PCDHGA11: variants seen among roughly 807,000 people sequenced by gnomAD.
PCDHGA11 encodes the protein protocadherin gamma subfamily A, 11.
Under a neutral mutation model 60.4 loss-of-function variants are expected in PCDHGA11, and 39 were observed. The observed-to-expected ratio is 0.65, with a 90% CI of 0.50 to 0.84. The LOEUF (loss-of-function observed/expected upper bound fraction) is 0.84. Among genes scored for constraint, PCDHGA11 ranks in the 40% least tolerant of loss-of-function variants. The probability of loss-of-function intolerance (pLI) is 0.00; values close to 1 mark genes in which losing one functional copy is unlikely to be tolerated. For synonymous variants in PCDHGA11, 533 were observed against 510.3 expected (o/e 1.04, Z -0.60); for missense variants, 1,165 against 1,197.7 (o/e 0.97, Z 0.40).
Position 141,489,857 on chromosome 5 carries a change from C to T in PCDHGA11, c.2434-4950C>T. 2 of 1,614,166 alleles carry T rather than the reference C, an allele frequency of 1.2e-6. No individual in the cohort carries two copies. On this transcript the variant is annotated intron_variant, in intron 1 of 3. Coordinates refer to ENST00000398587, the MANE Select transcript of PCDHGA11 (RefSeq NM_018914.3). This position sits in a 1 kb window ranked among gnomAD's most constrained non-coding sequence, Gnocchi z 4.5. ...CAGCAGCTGGATCGTGAAGCCCAGGCAAGACATCAGCTGGTGCTTACTGCT... is the reference window on the plus strand; with the variant it reads ...CAGCAGCTGGATCGTGAAGCCCAGGTAAGACATCAGCTGGTGCTTACTGCT...
At chr5:141,440,431 A>G (rs1338519888) in intron 1 of PCDHGA11, 1 of 152,222 alleles carries the variant, frequency 6.6e-6, no homozygotes, top group Non-Finnish European at 1.5e-5. Flanking sequence ...TGGGTGACAG[A>G]GCAAGGCGCC....
chr5:141,439,226 G>A (rs1337835258), intron 1 of PCDHGA11, among the ~76,000 whole-genome samples: 1 of 151,442 alleles, frequency 6.6e-6, no homozygotes, highest in African/African-American at 2.4e-5. Flanking sequence ...AAAATTCTTA[G>A]AAGCTTCCTA....
Position 141,431,003 on chromosome 5 carries a change from G to C in PCDHGA11, c.2433+7343G>C. The C allele has an allele frequency of 6.2e-7, 1 of 1,614,078 alleles. No individual in the cohort carries two copies. The highest frequency in any genetic ancestry group is 8.5e-7 in the Non-Finnish European group (1 of 1,179,974). On this transcript the variant is annotated intron_variant, in intron 1 of 3. Transcript: ENST00000398587. The surrounding 1 kb of genome is among the most constrained non-coding windows in gnomAD (Gnocchi z 4.8). ...GCTTTTCGCCCTGAATCCGCGCAGC[G>C]GCAGCTTGGTCACGGCGGGCAGGAT... is the stretch of plus-strand genomic sequence containing the variant.
rs781026604 is a variant in PCDHGA11, at chr5:141,490,471, C to G, written c.2434-4336C>G. ...CCACTACTCGCTGCTAACCAGCCAG[C>G]CTTTGGACCGGGAGGCCACATCCCA... On this transcript the variant is annotated intron_variant, in intron 1 of 3. Coordinates refer to ENST00000398587, the MANE Select transcript of PCDHGA11 (RefSeq NM_018914.3). The surrounding 1 kb of genome is among the most constrained non-coding windows in gnomAD (Gnocchi z 5.4). 12 of 1,614,096 alleles carry G rather than the reference C, an allele frequency of 7.4e-6. No homozygotes were observed. The highest frequency in any genetic ancestry group is 1.1e-5 in the South Asian group (1 of 91,092).
intron 1 of PCDHGA11, among the ~76,000 whole-genome samples, chr5:141,437,246 C>A (rs897787623): frequency 6.6e-6 from 1 of 152,144 alleles, no homozygotes; most frequent in Non-Finnish European, 1.5e-5. Context: ...CAAGGACTTT[C>A]CTTGTCTTTT....
intron 3 of PCDHGA11, among the ~76,000 whole-genome samples, chr5:141,510,553 A>G (rs1471878583): frequency 6.6e-6 from 1 of 152,162 alleles, no homozygotes; most frequent in Non-Finnish European, 1.5e-5. Context: ...TGTTTTGAGC[A>G]CTTACATCTA....
chr5:141,423,517 T>A lies in PCDHGA11; in HGVS notation c.2290T>A (p.Ser764Thr), dbSNP rs750915364. 6.2e-7 allele frequency: 1 copy of A among 1,613,834 alleles called. No individual in the cohort carries two copies. The highest frequency in any genetic ancestry group is 1.7e-5 in the Admixed American group (1 of 60,016). Residue 764 changes from serine (S) to threonine (T), a missense_variant, in exon 1 of 4, where the codon TCG (serine) becomes ACG (threonine). Ser to Thr is a moderately conservative substitution (Grantham distance 58). Transcript: ENST00000398587. ...CCACGAGGTCTCTCTCATTGCGGAC[T>A]CGCAGAAGAGTCACCTGATTTTCCC... ...YSHEVSLIADSQKSHLIFPQP... is the reference protein window; with the variant it reads ...YSHEVSLIADTQKSHLIFPQP...
At chr5:141,433,398 T>TCTAC (rs1487149690) in intron 1 of PCDHGA11, among the ~76,000 whole-genome samples, 2 of 151,396 alleles carry the variant, frequency 1.3e-5, no homozygotes, top group Non-Finnish European at 2.9e-5. Context: ...TATCTATCTA[T>TCTAC]CTATCTATTA....
Position 141,490,536 on chromosome 5 carries a change from T to C in PCDHGA11, c.2434-4271T>C. ...TGCTGGCCAGCGATGCTGGTTCACCTTCCCTACACAAACATCTCACCATCA... is the reference window on the plus strand; with the variant it reads ...TGCTGGCCAGCGATGCTGGTTCACCCTCCCTACACAAACATCTCACCATCA... On this transcript the variant is annotated intron_variant, in intron 1 of 3. Transcript: ENST00000398587. The surrounding 1 kb of genome is among the most constrained non-coding windows in gnomAD (Gnocchi z 5.4). The C allele has an allele frequency of 1.9e-6, 3 of 1,614,150 alleles. No individual in the cohort carries two copies. The highest frequency in any genetic ancestry group is 2.5e-6 in the Non-Finnish European group (3 of 1,180,010).
intron 1 of PCDHGA11, among the ~76,000 whole-genome samples, chr5:141,466,868 CA>C (rs1343260699): frequency 1.3e-5 from 2 of 152,100 alleles, no homozygotes; most frequent in African/African-American, 2.4e-5. Flanking sequence ...GAAATCCACA[CA>C]TTTTTTTCAT....
Position 141,489,465 on chromosome 5 carries a change from T to C in PCDHGA11, c.2434-5342T>C. On this transcript the variant is annotated intron_variant, in intron 1 of 3. Transcript: ENST00000398587. The surrounding 1 kb of genome is among the most constrained non-coding windows in gnomAD (Gnocchi z 4.5). The stretch of plus-strand genomic sequence containing the variant: ...GCTCTGAGGAGAATGGGCGCTATTT[T>C]TCCCTGAGCTTGATGAGTGGTGCCC... The C allele has an allele frequency of 1.2e-6, 2 of 1,614,082 alleles. No homozygotes were observed. The highest frequency in any genetic ancestry group is 1.3e-5 in the African/African-American group (1 of 75,042).
At chr5:141,465,856 C>T (rs1442431032) in intron 1 of PCDHGA11, among the ~76,000 whole-genome samples, 1 of 152,184 alleles carries the variant, frequency 6.6e-6, no homozygotes, top group East Asian at 1.9e-4. Context: ...GGCCCAGTGG[C>T]TCATGCCTGT....
intron 1 of PCDHGA11, among the ~76,000 whole-genome samples, chr5:141,452,137 GT>G (rs2098734666): frequency 6.6e-6 from 1 of 152,044 alleles, no homozygotes; most frequent in Non-Finnish European, 1.5e-5. Flanking sequence ...TGGCTCATGT[GT>G]TTTTTCCAAT....
chr5:141,491,152 G>A lies in PCDHGA11; in HGVS notation c.2434-3655G>A. 1 of 1,614,168 alleles carries A rather than the reference G, an allele frequency of 6.2e-7. No homozygotes were observed. The highest frequency in any genetic ancestry group is 8.5e-7 in the Non-Finnish European group (1 of 1,179,990). On this transcript the variant is annotated intron_variant, in intron 1 of 3. Transcript: ENST00000398587. The surrounding 1 kb of genome is among the most constrained non-coding windows in gnomAD (Gnocchi z 6.9). ...CACAGCCCGGGCCTTACTGGAGGAT[G>A]ACTCTGACACCCAGCAGGTGGTGGT...
chr5:141,434,509 T>C (rs1480014539), intron 1 of PCDHGA11, among the ~76,000 whole-genome samples: 3 of 152,232 alleles, frequency 2.0e-5, no homozygotes, highest in Non-Finnish European at 4.4e-5. Context: ...AGAAAACTGC[T>C]TAAAGGTGTT....
At chr5:141,505,592 A>G in intron 3 of PCDHGA11, 111 bp downstream of exon 3, 1 of 1,567,266 alleles carries the variant, frequency 6.4e-7, no homozygotes. Context: ...GTTTCTCCAG[A>G]TCTTTCGGCA....
At chr5:141,482,366 AT>A (rs1425349819) in intron 1 of PCDHGA11, among the ~76,000 whole-genome samples, 1 of 152,150 alleles carries the variant, frequency 6.6e-6, no homozygotes, top group Non-Finnish European at 1.5e-5. Flanking sequence ...GTGAAAAGTA[AT>A]GCATATAAAG....
rs765040062 is a variant in PCDHGA11 at position 141,423,238 on chromosome 5, G to A, written c.2011G>A (p.Glu671Lys). The A allele has an allele frequency of 1.9e-6, 3 of 1,613,778 alleles. No homozygotes were observed. The highest frequency in any genetic ancestry group is 1.1e-5 in the South Asian group (1 of 91,080). ...CGTGGCTGTGGCCGACAGCATCCCC[G>A]AAGTCCTGGCGGACCTCGGCAGCCT... ...LTVAVADSIPEVLADLGSLES... is the reference protein window; with the variant it reads ...LTVAVADSIPKVLADLGSLES... The change falls in exon 1 of 4, where the codon GAA (glutamate) becomes AAA (lysine). Residue 671 changes from glutamate (E) to lysine (K), a missense_variant. By Grantham distance (56) the Glu-to-Lys change is moderately conservative. Coordinates refer to ENST00000398587, the MANE Select transcript of PCDHGA11 (RefSeq NM_018914.3).
Position 141,431,072 on chromosome 5 carries a change from A to G in PCDHGA11, c.2433+7412A>G. On this transcript the variant is annotated intron_variant, in intron 1 of 3. Transcript: ENST00000398587. The surrounding 1 kb of genome is among the most constrained non-coding windows in gnomAD (Gnocchi z 4.8). ...TATGGGGGCCATCAAGTGTCAATTA[A>G]ATCTAGACATTCTGATGGAGGATAA... is the stretch of plus-strand genomic sequence containing the variant. 1 of 1,614,220 alleles carries G rather than the reference A, an allele frequency of 6.2e-7. No individual in the cohort carries two copies. Among genetic ancestry groups the G allele is most frequent in the Non-Finnish European group, 8.5e-7 (1 of 1,180,012 alleles).
Sources: gnomAD v4.1 joint callset for allele counts (sites outside exome capture counted in the v4.1 genomes callset) on GRCh38, gnomAD v4.1.1 for gene constraint, Gnocchi (gnomAD v3.1) non-coding constraint, MANE v1.5 for transcripts, NCBI Gene and HGNC (gene_info 2026-07-23, HGNC 2026-07-21) for gene names.